MCTP1: variants seen among roughly 807,000 people sequenced by gnomAD.
MCTP1 encodes the protein multiple C2 and transmembrane domain-containing protein 1.
MCTP1 carries 69 observed loss-of-function variants against 120.6 expected under a neutral mutation model. That is an observed-to-expected ratio of 0.57 (90% CI 0.47 to 0.70). MCTP1 has a LOEUF of 0.70. Ranked by LOEUF, MCTP1 falls within the 30% of genes least tolerant of loss-of-function variation. MCTP1 has a pLI of 0.00. For missense variants in MCTP1, 1,203 were observed against 1,248.8 expected, an observed-to-expected ratio of 0.96 and a Z score of 0.55; for synonymous variants, 529 against 493.1, an observed-to-expected ratio of 1.07 and a Z score of -0.96.
chr5:94,743,082 G>C (rs375288274), intron 19 of MCTP1, among the ~76,000 whole-genome samples: 5 of 147,968 alleles, frequency 3.4e-5, no homozygotes, highest in African/African-American at 1.3e-4. Context: ...TACCAAAACA[G>C]AGCAATCAAG....
intron 1 of MCTP1, among the ~76,000 whole-genome samples, chr5:95,217,453 A>G (rs953396129): frequency 6.6e-6 from 1 of 152,226 alleles, no homozygotes; most frequent in African/African-American, 2.4e-5. Flanking sequence ...ATAGATAACT[A>G]TATTTCTTCG....
intron 16 of MCTP1, among the ~76,000 whole-genome samples, chr5:94,869,128 T>G (rs1283874265): frequency 6.6e-6 from 1 of 151,912 alleles, no homozygotes; most frequent in Non-Finnish European, 1.5e-5. Context: ...TTGATATAAT[T>G]AGAAATTAAA....
chr5:94,904,593 T>C (rs1309395504), intron 10 of MCTP1, among the ~76,000 whole-genome samples: 4 of 152,340 alleles, frequency 2.6e-5, no homozygotes, highest in African/African-American at 2.4e-5. Context: ...ATTACTGAAG[T>C]ATAAAGATTA....
chr5:94,966,551 T>C (rs758296855), intron 2 of MCTP1, among the ~76,000 whole-genome samples: 3 of 152,026 alleles, frequency 2.0e-5, no homozygotes, highest in Admixed American at 6.6e-5. Flanking sequence ...ATCCCAACAC[T>C]TTGGGAAGCC....
chr5:94,884,050 C>G (rs992179066), intron 12 of MCTP1, among the ~76,000 whole-genome samples: 11 of 152,016 alleles, frequency 7.2e-5, no homozygotes, highest in African/African-American at 2.7e-4. Context: ...ATAATAAATC[C>G]AAATCTTTGT....
At chr5:95,215,011 TA>T (rs538275819) in intron 1 of MCTP1, among the ~76,000 whole-genome samples, 1,604 of 148,772 alleles carry the variant, frequency 0.011, 13 homozygotes, top group South Asian at 0.031. Context: ...ACTTAAAGTA[TA>T]AAAAAAAAAG....
chr5:94,716,798 A>G (rs1415204215), intron 19 of MCTP1, among the ~76,000 whole-genome samples: 2 of 152,112 alleles, frequency 1.3e-5, no homozygotes, highest in African/African-American at 4.8e-5. Context: ...TGAAATTTCA[A>G]GCAAATCCTA....
intron 2 of MCTP1, among the ~76,000 whole-genome samples, chr5:95,005,401 A>C (rs949612625): frequency 3.5e-5 from 5 of 142,470 alleles, no homozygotes; most frequent in African/African-American, 1.3e-4. Context: ...GTGTTTTAAA[A>C]TGTGAGAAGG....
At chr5:94,943,949 A>G (rs1435560226) in intron 3 of MCTP1, among the ~76,000 whole-genome samples, 2 of 152,102 alleles carry the variant, frequency 1.3e-5, no homozygotes, top group Admixed American at 1.3e-4. Flanking sequence ...GAATCCATGA[A>G]GCTGAATCAA....
intron 6 of MCTP1, among the ~76,000 whole-genome samples, chr5:94,930,407 G>A (rs1814362772): frequency 1.3e-5 from 2 of 151,008 alleles, no homozygotes. Context: ...CCTAGCAGCT[G>A]GGATTACAGG....
chr5:95,253,657 A>G (rs189329654), intron 1 of MCTP1, among the ~76,000 whole-genome samples: 1 of 152,244 alleles, frequency 6.6e-6, no homozygotes, highest in African/African-American at 2.4e-5. Context: ...AATAAAATAA[A>G]TGTATAGGTA....
In MCTP1 at chr5:94,951,050, A is replaced by T. The variant is rs543249430; in HGVS notation, c.981+2169T>A. Among the ~76,000 whole-genome samples, 3 of 152,150 alleles carry T rather than the reference A, an allele frequency of 2.0e-5. No homozygotes were observed. In the East Asian group the frequency reaches 5.8e-4, roughly 29 times the overall value. ...GCAGTCAAGTCAGGACTTTCAGGGT[A>T]TCCATCATCTGAATAACATACATTG... On this transcript the variant is annotated intron_variant, in intron 3 of 22. Transcript: ENST00000515393.
intron 1 of MCTP1, among the ~76,000 whole-genome samples, chr5:95,139,481 T>C (rs962330794): frequency 2.0e-5 from 3 of 152,242 alleles, no homozygotes; most frequent in African/African-American, 7.2e-5. Context: ...GCCTCTCACT[T>C]AGGGAACAAG....
intron 2 of MCTP1, among the ~76,000 whole-genome samples, chr5:94,983,665 GTCAATCTA>G (rs1035265702): frequency 3.0e-3 from 52 of 17,286 alleles, no homozygotes; most frequent in Non-Finnish European, 5.9e-3. Context: ...CTGTCTGTCT[GTCAATCTA>G]TCTATCTATC....
Position 95,284,113 on chromosome 5 carries a change from A to G in MCTP1, c.463T>C (p.Ser155Pro), listed in dbSNP as rs752837027. The change falls in exon 1 of 23, where the codon TCA becomes CCA. Residue 155 changes from serine to proline, a missense_variant. This residue lies in a region of MCTP1 where 463 missense variants were observed against 377.8 expected (regional missense o/e 1.23). Coordinates refer to ENST00000515393, the MANE Select transcript of MCTP1 (RefSeq NM_024717.7). This position sits in a 1 kb window ranked among gnomAD's most constrained non-coding sequence, Gnocchi z 5.2. ...GAGGCGGAGGAAGAGGAAGGAGCTG[A>G]GTCGGGGGAGCGTCCGCCAGGAGGC... ...GTPPGGRSPD[S>P]APSSSSASSS... The G allele has an allele frequency of 1.9e-6, 3 of 1,550,698 alleles. No homozygotes were observed. Among genetic ancestry groups the G allele is most frequent in the Non-Finnish European group, 2.6e-6 (3 of 1,147,082 alleles).
At chr5:95,200,826 G>C (rs1257555034) in intron 1 of MCTP1, among the ~76,000 whole-genome samples, 1 of 152,216 alleles carries the variant, frequency 6.6e-6, no homozygotes, top group African/African-American at 2.4e-5. Context: ...TGATGCGTAT[G>C]TGAGGTAATG....
chr5:95,250,638 C>T (rs1018549249), intron 1 of MCTP1, among the ~76,000 whole-genome samples: 1 of 152,096 alleles, frequency 6.6e-6, no homozygotes, highest in African/African-American at 2.4e-5. Context: ...TTTTTCTCCT[C>T]TATAAAAATG....
At chr5:95,156,908 G>A (rs1468543556) in intron 1 of MCTP1, among the ~76,000 whole-genome samples, 1 of 152,088 alleles carries the variant, frequency 6.6e-6, no homozygotes, top group Non-Finnish European at 1.5e-5. Context: ...TTGGTGAAAC[G>A]TTATTAATTC....
intron 1 of MCTP1, among the ~76,000 whole-genome samples, chr5:95,255,959 C>T (rs918216857): frequency 3.9e-5 from 6 of 152,058 alleles, no homozygotes; most frequent in East Asian, 1.9e-4. Flanking sequence ...GTCTGTAGCT[C>T]GAGGCATTCA....
Sources: allele counts gnomAD v4.1 joint callset (sites outside exome capture counted in the v4.1 genomes callset), GRCh38; gene constraint gnomAD v4.1.1; regional missense constraint gnomAD v4.1.1; non-coding constraint Gnocchi (gnomAD v3.1); transcripts MANE v1.5; gene names NCBI Gene and HGNC (gene_info 2026-07-23, HGNC 2026-07-21).